Variants in DSCAM observed in about 807,000 individuals in gnomAD.
The protein encoded by DSCAM is cell adhesion molecule DSCAM.
In DSCAM, 47 loss-of-function variants were observed where a neutral mutation model predicts 217.7. That is an observed-to-expected ratio of 0.22 (90% CI 0.17 to 0.28). DSCAM has a LOEUF of 0.28. Ranked by LOEUF, DSCAM falls within the 10% of genes least tolerant of loss-of-function variation. The pLI is 1.00. For missense variants in DSCAM, 2,080 were observed against 2,618.3 expected, an observed-to-expected ratio of 0.79 and a Z score of 4.49; for synonymous variants, 1,056 against 1,015.3, an observed-to-expected ratio of 1.04 and a Z score of -0.76.
chr21:40,371,659 G>A lies in DSCAM; in HGVS notation c.509-2414C>T, dbSNP rs984300672. On this transcript the variant is annotated intron_variant, in intron 3 of 32. Transcript: ENST00000400454. ...TCTTGTAATATCTAACATTTTTTTC[G>A]TTTACCCACTTACGTTAAATAAGGC... 3.5e-4 allele frequency among the ~76,000 whole-genome samples: 53 copies of A among 151,866 alleles called. 1 individual carries two copies. Among genetic ancestry groups the A allele is most frequent in the Non-Finnish European group, 3.5e-4 (24 of 67,936 alleles).
intron 3 of DSCAM, among the ~76,000 whole-genome samples, chr21:40,648,660 G>T (rs921254364): frequency 1.4e-4 from 22 of 151,990 alleles, no homozygotes; most frequent in Admixed American, 1.1e-3. Flanking sequence ...CCTTTGAGTG[G>T]TGTCTTCATT....
intron 3 of DSCAM, among the ~76,000 whole-genome samples, chr21:40,681,537 T>C (rs1290708098): frequency 6.6e-6 from 1 of 151,904 alleles, no homozygotes; most frequent in Non-Finnish European, 1.5e-5. Flanking sequence ...TTATCAGTTG[T>C]CTACTGTGTG....
intron 3 of DSCAM, among the ~76,000 whole-genome samples, chr21:40,648,752 C>A (rs1386210537): frequency 6.6e-6 from 1 of 152,200 alleles, no homozygotes; most frequent in Admixed American, 6.5e-5. Flanking sequence ...CCTAGCCACA[C>A]TGGGAGATAA....
chr21:40,138,570 G>A (rs1260163580), intron 18 of DSCAM, among the ~76,000 whole-genome samples: 1 of 145,148 alleles, frequency 6.9e-6, no homozygotes, highest in South Asian at 2.3e-4. Flanking sequence ...TGACATATAC[G>A]GGGTGTGTGT....
chr21:40,359,679 G>A (rs1002325767), intron 4 of DSCAM, among the ~76,000 whole-genome samples: 2 of 152,206 alleles, frequency 1.3e-5, no homozygotes, highest in African/African-American at 4.8e-5. Flanking sequence ...CAACATGGGT[G>A]CTGCATGAAA....
chr21:40,100,979 A>G (rs915232518), intron 20 of DSCAM, among the ~76,000 whole-genome samples: 3 of 152,196 alleles, frequency 2.0e-5, no homozygotes, highest in Non-Finnish European at 1.5e-5. Flanking sequence ...AAGACATAAG[A>G]GTTCCTTTGT....
At chr21:40,558,474 A>G (rs1341641241) in intron 3 of DSCAM, among the ~76,000 whole-genome samples, 3 of 151,990 alleles carry the variant, frequency 2.0e-5, no homozygotes, top group African/African-American at 7.3e-5. Context: ...AAATTATCTA[A>G]GTTAATTTCA....
chr21:40,798,528 CA>C (rs2091711436), intron 1 of DSCAM, among the ~76,000 whole-genome samples: 1 of 151,916 alleles, frequency 6.6e-6, no homozygotes, highest in Non-Finnish European at 1.5e-5. Context: ...AAGAAATGAG[CA>C]AAGCACATGA....
chr21:40,531,909 G>T (rs1340713784), intron 3 of DSCAM, among the ~76,000 whole-genome samples: 1 of 152,196 alleles, frequency 6.6e-6, no homozygotes, highest in Non-Finnish European at 1.5e-5. Context: ...AAGATGAGGT[G>T]CTGGGCTTGG....
chr21:40,716,904 T>A (rs922040913), intron 1 of DSCAM, among the ~76,000 whole-genome samples: 6 of 152,200 alleles, frequency 3.9e-5, no homozygotes, highest in African/African-American at 1.4e-4. Context: ...TACCGAAGGT[T>A]GTGACAGAAA....
chr21:40,143,930 C>A (rs901223322), intron 17 of DSCAM, among the ~76,000 whole-genome samples: 7 of 151,550 alleles, frequency 4.6e-5, no homozygotes, highest in Non-Finnish European at 8.8e-5. Context: ...CTCTGGATAC[C>A]AGGGTTCTCT....
At chr21:40,657,333 A>C (rs760022473) in intron 3 of DSCAM, among the ~76,000 whole-genome samples, 2 of 152,218 alleles carry the variant, frequency 1.3e-5, no homozygotes, top group African/African-American at 2.4e-5. Context: ...TATATCAATA[A>C]TTAGCCCTTA....
At chr21:40,563,589 GT>G (rs2076738395) in intron 3 of DSCAM, among the ~76,000 whole-genome samples, 2 of 61,382 alleles carry the variant, frequency 3.3e-5, no homozygotes, top group South Asian at 5.1e-4. Context: ...ATGTTTATAT[GT>G]TTATATGTTA....
intron 10 of DSCAM, among the ~76,000 whole-genome samples, chr21:40,294,523 C>G (rs967300955): frequency 2.6e-4 from 39 of 152,200 alleles, no homozygotes; most frequent in Non-Finnish European, 4.3e-4. Context: ...TTGTATATGG[C>G]TGGTGCCTTT....
At chr21:40,178,819 A>T in intron 15 of DSCAM, 108 bp downstream of exon 15, 4 of 1,386,982 alleles carry the variant, frequency 2.9e-6, no homozygotes, top group Non-Finnish European at 4.0e-6. Flanking sequence ...CGCATCAAAG[A>T]CCTCCGCCTA....
chr21:40,386,189 G>A (rs1344519407), intron 3 of DSCAM, among the ~76,000 whole-genome samples: 1 of 152,148 alleles, frequency 6.6e-6, no homozygotes, highest in Non-Finnish European at 1.5e-5. Flanking sequence ...AAATATAAAT[G>A]GAATGAAGCA....
intron 3 of DSCAM, among the ~76,000 whole-genome samples, chr21:40,391,351 A>G (rs1417391874): frequency 6.6e-6 from 1 of 152,214 alleles, no homozygotes; most frequent in Non-Finnish European, 1.5e-5. Context: ...TAAATTTTAC[A>G]CAGTCTACCC....
intron 3 of DSCAM, among the ~76,000 whole-genome samples, chr21:40,486,784 T>C (rs1446075220): frequency 6.6e-6 from 1 of 152,160 alleles, no homozygotes; most frequent in Admixed American, 6.5e-5. Flanking sequence ...GGCTCAAGCT[T>C]GAAACCACTG....
intron 32 of DSCAM, among the ~76,000 whole-genome samples, chr21:40,038,891 ATCATTC>A (rs1372802737): frequency 1.3e-5 from 2 of 151,394 alleles, no homozygotes; most frequent in Non-Finnish European, 2.9e-5. Context: ...ATTGGAAATC[ATCATTC>A]TCAGTAAACT....
Sources: allele counts gnomAD v4.1 joint callset (sites outside exome capture counted in the v4.1 genomes callset), GRCh38; gene constraint gnomAD v4.1.1; transcripts MANE v1.5; gene names NCBI Gene and HGNC (gene_info 2026-07-23, HGNC 2026-07-21).